Variants in SPHKAP observed in about 807,000 individuals in gnomAD.
The protein encoded by SPHKAP is SPHK1 interactor, AKAP domain containing, also known as A-kinase anchor protein SPHKAP.
In SPHKAP, 67 loss-of-function variants were observed where a neutral mutation model predicts 137.5. The observed-to-expected ratio is 0.49, with a 90% confidence interval of 0.40 to 0.60. SPHKAP has a LOEUF of 0.60. Among genes scored for constraint, SPHKAP ranks in the 20% least tolerant of loss-of-function variants. SPHKAP has a pLI of 0.00. For synonymous variants in SPHKAP, 813 were observed against 785.3 expected (o/e 1.04, Z -0.59); for missense variants, 2,097 against 2,069.3 (o/e 1.01, Z -0.26).
chr2:228,115,076 T>C (rs1262249896), intron 2 of SPHKAP, among the ~76,000 whole-genome samples: 1 of 152,132 alleles, frequency 6.6e-6, no homozygotes, highest in African/African-American at 2.4e-5. Flanking sequence ...GGAGAAGACA[T>C]GTCTCTCTTT....
At chr2:228,044,813 C>G (rs1695975568) in intron 3 of SPHKAP, among the ~76,000 whole-genome samples, 1 of 152,140 alleles carries the variant, frequency 6.6e-6, no homozygotes, top group African/African-American at 2.4e-5. Flanking sequence ...AACAGGCAAT[C>G]TACAGAATGG....
chr2:228,057,496 A>AG (rs1341193045), intron 3 of SPHKAP, among the ~76,000 whole-genome samples: 1 of 152,172 alleles, frequency 6.6e-6, no homozygotes, highest in Admixed American at 6.5e-5. Flanking sequence ...GAGAGTCTTC[A>AG]GGGGGTGTGT....
chr2:228,171,169 A>C (rs1043108931), intron 1 of SPHKAP, among the ~76,000 whole-genome samples: 2 of 152,136 alleles, frequency 1.3e-5, no homozygotes, highest in African/African-American at 4.8e-5. Context: ...AAGTGCTTCC[A>C]ATTTTGTTTT....
At chr2:228,009,676 T>A (rs970005153) in intron 7 of SPHKAP, among the ~76,000 whole-genome samples, 1 of 152,236 alleles carries the variant, frequency 6.6e-6, no homozygotes, top group Non-Finnish European at 1.5e-5. Flanking sequence ...CTTTAAACAA[T>A]GTTGAACTTT....
intron 3 of SPHKAP, among the ~76,000 whole-genome samples, chr2:228,105,394 A>G (rs953499686): frequency 1.3e-5 from 2 of 152,240 alleles, no homozygotes; most frequent in African/African-American, 2.4e-5. Flanking sequence ...TTCCAATTCC[A>G]TTATCCTACC....
At chr2:228,092,307 GTA>G (rs1490926945) in intron 3 of SPHKAP, among the ~76,000 whole-genome samples, 3 of 98,556 alleles carry the variant, frequency 3.0e-5, no homozygotes, top group Non-Finnish European at 4.3e-5. Flanking sequence ...ACACACACGT[GTA>G]TGTGTGTGTA....
chr2:228,026,064 G>A (rs934350562), intron 4 of SPHKAP: 2 of 164,260 alleles, frequency 1.2e-5, no homozygotes, highest in African/African-American at 4.8e-5. Context: ...GTTTTAAAAA[G>A]TGGGAATTTT....
intron 3 of SPHKAP, among the ~76,000 whole-genome samples, chr2:228,046,249 G>A (rs1019381385): frequency 5.7e-4 from 80 of 141,050 alleles, no homozygotes; most frequent in African/African-American, 2.0e-3. Flanking sequence ...ATAAAAATCC[G>A]TGTTTCAAAA....
intron 2 of SPHKAP, among the ~76,000 whole-genome samples, chr2:228,114,940 T>C (rs1161961666): frequency 6.6e-6 from 1 of 152,074 alleles, no homozygotes; most frequent in Non-Finnish European, 1.5e-5. Flanking sequence ...TCCAAGACAA[T>C]CCAGGTCAGC....
intron 7 of SPHKAP, among the ~76,000 whole-genome samples, chr2:228,015,986 G>C (rs1162244752): frequency 6.6e-6 from 1 of 152,020 alleles, no homozygotes; most frequent in Non-Finnish European, 1.5e-5. Flanking sequence ...ATTATTATTT[G>C]CTTAAAAATT....
At chr2:228,148,938 G>T (rs1699853860) in intron 1 of SPHKAP, among the ~76,000 whole-genome samples, 1 of 152,164 alleles carries the variant, frequency 6.6e-6, no homozygotes, top group African/African-American at 2.4e-5. Flanking sequence ...TAAAACTCAG[G>T]AAAGAGTTGA....
At chr2:228,129,559 A>G (rs1699181815) in intron 2 of SPHKAP, among the ~76,000 whole-genome samples, 1 of 152,108 alleles carries the variant, frequency 6.6e-6, no homozygotes, top group East Asian at 1.9e-4. Flanking sequence ...AAAATTGCCT[A>G]TATTTGATCA....
intron 3 of SPHKAP, among the ~76,000 whole-genome samples, chr2:228,070,660 T>A (rs929849251): frequency 3.3e-5 from 5 of 151,336 alleles, no homozygotes; most frequent in African/African-American, 1.2e-4. Flanking sequence ...TGGCACTGGT[T>A]CAGAAGCACT....
chr2:228,091,077 A>C (rs1438555945), intron 3 of SPHKAP, among the ~76,000 whole-genome samples: 1 of 152,244 alleles, frequency 6.6e-6, no homozygotes, highest in Non-Finnish European at 1.5e-5. Context: ...ATACTGGATA[A>C]AAAGTAATAT....
At position 228,154,508 on chromosome 2, in the gene SPHKAP, CTCTCTATATATA is replaced by C. The variant is rs1180363996; in HGVS notation, c.33-22435_33-22424del. Reference sequence around the variant, plus strand: ...TCTCTCTCTCTCTCTCTCTCTCTCTCTCTCTATATATATATATATATATATTTTTTTTTTTTT... The same window carrying C: ...TCTCTCTCTCTCTCTCTCTCTCTCTCTATATATATATATTTTTTTTTTTTT... On this transcript the variant is annotated intron_variant, in intron 1 of 11. Coordinates refer to ENST00000392056, the MANE Select transcript of SPHKAP (RefSeq NM_001142644.2). Among the ~76,000 whole-genome samples, 10 of 34,574 alleles carry C rather than the reference CTCTCTATATATA, an allele frequency of 2.9e-4. No homozygotes were observed. In the East Asian group the frequency reaches 0.013, roughly 45 times the overall value. 22.7% of individuals were successfully genotyped at this position (34,574 alleles called of 152,430 possible).
In SPHKAP at chr2:228,025,441, T is replaced by C. The variant is rs201470972; in HGVS notation, c.394A>G (p.Ser132Gly). Residue 132 changes from serine to glycine, a missense_variant, in exon 5 of 12, where the codon AGT becomes GGT. Physicochemically the swap from Ser to Gly is moderately conservative, Grantham distance 56 (BLOSUM62 0). Coordinates refer to ENST00000392056, the MANE Select transcript of SPHKAP (RefSeq NM_001142644.2). The part of the protein sequence containing the change: ...QPKENEIVVL[S>G]GLASGNLQAD... ...TGGAGATTTCCAGAGGCTAACCCACTTAGGACAACAATTTCATTTTCTTTT... is the reference window on the plus strand; with the variant it reads ...TGGAGATTTCCAGAGGCTAACCCACCTAGGACAACAATTTCATTTTCTTTT... 3.7e-5 allele frequency: 59 copies of C among 1,613,826 alleles called. No individual in the cohort carries two copies. The highest frequency in any genetic ancestry group is 4.7e-5 in the Non-Finnish European group (56 of 1,179,934).
At chr2:228,175,767 C>T (rs1700721356) in intron 1 of SPHKAP, among the ~76,000 whole-genome samples, 1 of 151,260 alleles carries the variant, frequency 6.6e-6, no homozygotes, top group Non-Finnish European at 1.5e-5. Flanking sequence ...GATACAATAC[C>T]CTATCTATAA....
chr2:228,042,490 A>T (rs7577461), intron 3 of SPHKAP, among the ~76,000 whole-genome samples: 36,411 of 152,024 alleles, frequency 0.24, 4,628 homozygotes, highest in East Asian at 0.41. Context: ...ATCCATTAGC[A>T]GTCATTCACC....
intron 7 of SPHKAP, among the ~76,000 whole-genome samples, chr2:227,999,701 A>G (rs910358922): frequency 6.6e-6 from 1 of 152,226 alleles, no homozygotes; most frequent in Non-Finnish European, 1.5e-5. Flanking sequence ...CATGTCACAT[A>G]ACTAGGAGTT....
Sources: allele counts gnomAD v4.1 joint callset (sites outside exome capture counted in the v4.1 genomes callset), GRCh38; gene constraint gnomAD v4.1.1; transcripts MANE v1.5; gene names NCBI Gene and HGNC (gene_info 2026-07-23, HGNC 2026-07-21).